The following ADRA1A variants were observed in gnomAD, a reference collection of about 807,000 sequenced individuals.
ADRA1A encodes the protein adrenoceptor alpha 1A.
Under a neutral mutation model 29.6 loss-of-function variants are expected in ADRA1A, and 31 were observed. That is an observed-to-expected ratio of 1.05 (90% confidence interval 0.79 to 1.41). The LOEUF (loss-of-function observed/expected upper bound fraction) is 1.41, where lower values mean the gene tolerates loss of function less well. Among genes scored for constraint, ADRA1A ranks in the 40% most tolerant of loss-of-function variants. The probability of loss-of-function intolerance (pLI) is 0.00; values close to 1 mark genes in which losing one functional copy is unlikely to be tolerated. For missense variants in ADRA1A, 619 were observed against 601.1 expected (o/e 1.03, Z -0.31); for synonymous variants, 311 against 254.3 (o/e 1.22, Z -2.12).
chr8:26,859,116 A>G lies in ADRA1A; in HGVS notation c.883+4971T>C, dbSNP rs529601875. 8.7e-4 allele frequency: 1,125 copies of G among 1,289,888 alleles called. 9 individuals carry two copies. The South Asian group carries it at 0.013, about 15-fold the overall frequency. The allele number at this position is 1,289,888 out of a possible 1,614,324, so 79.9% of individuals were successfully genotyped here. ...GCACACTCATCCCTGCCCTGGTTTC[A>G]GTTTTTAATCTCTTTCCTCTCCCGC... On this transcript the variant is annotated intron_variant, in intron 2 of 2. Transcript: ENST00000380573.
chr8:26,789,107 C>G (rs1256265050), intron 2 of ADRA1A, among the ~76,000 whole-genome samples: 1 of 151,942 alleles, frequency 6.6e-6, no homozygotes, highest in Non-Finnish European at 1.5e-5. Context: ...CCCTTTTCCC[C>G]CCACCCCTGA....
intron 2 of ADRA1A, among the ~76,000 whole-genome samples, chr8:26,750,495 C>A (rs556429021): frequency 5.8e-4 from 89 of 152,302 alleles, no homozygotes; most frequent in African/African-American, 2.1e-3. Context: ...AGCCACCACA[C>A]CCAGCTGGGT....
In ADRA1A at chr8:26,864,351, C is replaced by T. The variant is rs781384654; in HGVS notation, c.619G>A (p.Val207Ile). 1.9e-6 allele frequency: 3 copies of T among 1,614,010 alleles called. No homozygotes were observed. Among genetic ancestry groups the T allele is most frequent in the Non-Finnish European group, 1.7e-6 (2 of 1,180,012 alleles). The change falls in exon 2 of 3, where the codon GTC (valine) becomes ATC (isoleucine). Residue 207 changes from valine (V) to isoleucine (I), a missense_variant. Val to Ile is a conservative substitution (Grantham distance 29). Coordinates refer to ENST00000380573, the MANE Select transcript of ADRA1A (RefSeq NM_000680.4). The surrounding 1 kb of genome is among the most constrained non-coding windows in gnomAD (Gnocchi z 8.1). ...CTCTCCCTCTTGGCCACCACGTAGA[C>T]GCGGCAGTACATGACCAGGATGATG... ...LAIILVMYCR[V>I]YVVAKRESRG...
chr8:26,808,596 A>T (rs923662188), intron 2 of ADRA1A, among the ~76,000 whole-genome samples: 1 of 152,140 alleles, frequency 6.6e-6, no homozygotes, highest in Non-Finnish European at 1.5e-5. Context: ...GATCTATTAC[A>T]ATCAACAGCA....
At chr8:26,840,900 A>T (rs1811769323) in intron 2 of ADRA1A, among the ~76,000 whole-genome samples, 1 of 152,218 alleles carries the variant, frequency 6.6e-6, no homozygotes, top group African/African-American at 2.4e-5. Flanking sequence ...TTATGGCTAT[A>T]GAGAGCAAAC....
At chr8:26,751,121 C>G (rs564582730) in intron 2 of ADRA1A, among the ~76,000 whole-genome samples, 1 of 151,526 alleles carries the variant, frequency 6.6e-6, no homozygotes, top group East Asian at 1.9e-4. Context: ...TCTTGTCCTT[C>G]TAGGTACAGT....
intron 2 of ADRA1A, among the ~76,000 whole-genome samples, chr8:26,812,750 C>T (rs544944386): frequency 1.6e-4 from 25 of 151,742 alleles, no homozygotes; most frequent in African/African-American, 5.6e-4. Context: ...CTGCAAGCTC[C>T]GCCTCCCGGG....
intron 2 of ADRA1A, among the ~76,000 whole-genome samples, chr8:26,757,483 G>A (rs1341586259): frequency 6.6e-6 from 1 of 151,340 alleles, no homozygotes; most frequent in Non-Finnish European, 1.5e-5. Flanking sequence ...TGGAAGTACA[G>A]CTTCAAGTCT....
chr8:26,799,988 G>A (rs964741746), intron 2 of ADRA1A, among the ~76,000 whole-genome samples: 3 of 152,180 alleles, frequency 2.0e-5, no homozygotes, highest in East Asian at 1.9e-4. Context: ...GCTGGGCTTG[G>A]TAGCTCATGC....
intron 2 of ADRA1A, among the ~76,000 whole-genome samples, chr8:26,863,432 A>G (rs961176808): frequency 1.3e-5 from 2 of 152,238 alleles, no homozygotes; most frequent in Non-Finnish European, 2.9e-5. Context: ...TTATTATTAA[A>G]ATAAAAAAAT....
intron 2 of ADRA1A, among the ~76,000 whole-genome samples, chr8:26,816,529 GTGTA>G (rs1258494867): frequency 1.4e-3 from 167 of 123,146 alleles, no homozygotes; most frequent in African/African-American, 5.0e-3. Context: ...GGTGCTCATG[GTGTA>G]TGTGTGTGTG....
At chr8:26,792,230 G>T (rs1203505333) in intron 2 of ADRA1A, among the ~76,000 whole-genome samples, 1 of 151,956 alleles carries the variant, frequency 6.6e-6, no homozygotes, top group African/African-American at 2.4e-5. Context: ...GTATTTATTT[G>T]CTCTTTGCCA....
chr8:26,799,952 A>G (rs1440218450), intron 2 of ADRA1A, among the ~76,000 whole-genome samples: 4 of 152,304 alleles, frequency 2.6e-5, no homozygotes, highest in African/African-American at 9.6e-5. Flanking sequence ...ACTTGACTTC[A>G]TGATGTATTA....
chr8:26,752,088 A>G (rs1458739282), downstream of ADRA1A, among the ~76,000 whole-genome samples: 2 of 151,956 alleles, frequency 1.3e-5, no homozygotes, highest in Admixed American at 1.3e-4. Context: ...TTTTTTTTCC[A>G]GAGAGCTCAT....
downstream of ADRA1A, chr8:26,765,814 T>C: frequency 3.7e-6 from 5 of 1,334,184 alleles, no homozygotes; most frequent in Non-Finnish European, 2.9e-6. Flanking sequence ...CCAGAAGCAA[T>C]TGAGAAAGTT....
downstream of ADRA1A, among the ~76,000 whole-genome samples, chr8:26,767,749 G>C (rs1585643563): frequency 6.6e-6 from 1 of 152,202 alleles, no homozygotes. Context: ...ACCATAATTT[G>C]TTGAAGAAAA....
At chr8:26,834,412 G>A (rs539167332) in intron 2 of ADRA1A, among the ~76,000 whole-genome samples, 9 of 152,318 alleles carry the variant, frequency 5.9e-5, no homozygotes, top group South Asian at 4.1e-4. Context: ...TGAGATGGGT[G>A]GAAAGGGGGA....
intron 2 of ADRA1A, among the ~76,000 whole-genome samples, chr8:26,780,154 A>G (rs1258742225): frequency 6.6e-6 from 1 of 152,124 alleles, no homozygotes; most frequent in East Asian, 1.9e-4. Flanking sequence ...GCCCTACACA[A>G]CCTTCTTCAT....
chr8:26,807,870 TG>T (rs1246198668), intron 2 of ADRA1A, among the ~76,000 whole-genome samples: 6 of 152,282 alleles, frequency 3.9e-5, no homozygotes, highest in Admixed American at 3.9e-4. Flanking sequence ...CCTCCTCCTT[TG>T]CAAGGTCCAA....
Sources: allele counts gnomAD v4.1 joint callset (sites outside exome capture counted in the v4.1 genomes callset), GRCh38; gene constraint gnomAD v4.1.1; non-coding constraint Gnocchi (gnomAD v3.1); transcripts MANE v1.5; gene names NCBI Gene and HGNC (gene_info 2026-07-23, HGNC 2026-07-21).